Variants in FAM168A observed in about 807,000 individuals in gnomAD.
FAM168A encodes family with sequence similarity 168 member A.
In FAM168A, 3 loss-of-function variants were observed where a neutral mutation model predicts 28.5. The observed-to-expected ratio is 0.11, with a 90% CI of 0.05 to 0.27. The LOEUF (loss-of-function observed/expected upper bound fraction) is 0.27, where lower values mean the gene tolerates loss of function less well. Among genes scored for constraint, FAM168A ranks in the 10% least tolerant of loss-of-function variants. The pLI is 1.00. For synonymous variants in FAM168A, 122 were observed against 124.2 expected (o/e 0.98, Z 0.12); for missense variants, 222 against 311.5 (o/e 0.71, Z 2.16).
At chr11:73,524,042 T>C (rs1431370665) in intron 1 of FAM168A, among the ~76,000 whole-genome samples, 3 of 152,072 alleles carry the variant, frequency 2.0e-5, no homozygotes, top group African/African-American at 7.2e-5. Context: ...TCATAATTAA[T>C]TGTTAGTTTT....
Position 73,418,730 on chromosome 11 carries a change from A to G in FAM168A, c.277+1144T>C, listed in dbSNP as rs796283047. ...AGAAGTTCTCACCACATCCAAAGTC[A>G]GTCATTCCTCTATTGAACAGCTCCA... On this transcript the variant is annotated intron_variant, in intron 4 of 7. Transcript: ENST00000356467. Among the ~76,000 whole-genome samples the G allele has an allele frequency of 4.6e-5, 7 of 152,254 alleles. No individual in the cohort carries two copies. The South Asian group carries it at 1.2e-3, about 27-fold the overall frequency.
At chr11:73,537,818 C>T (rs917912825) in intron 1 of FAM168A, among the ~76,000 whole-genome samples, 1 of 152,222 alleles carries the variant, frequency 6.6e-6, no homozygotes, top group Non-Finnish European at 1.5e-5. Context: ...CAAGCCTTCA[C>T]TTCCCAATTC....
intron 1 of FAM168A, among the ~76,000 whole-genome samples, chr11:73,496,983 T>C (rs1416091750): frequency 2.6e-5 from 4 of 152,008 alleles, no homozygotes. Flanking sequence ...GGAATCAGAA[T>C]TTTACACAAA....
At chr11:73,546,063 A>G (rs916343185) in intron 1 of FAM168A, among the ~76,000 whole-genome samples, 8 of 152,324 alleles carry the variant, frequency 5.3e-5, no homozygotes, top group African/African-American at 1.9e-4. Flanking sequence ...ACTACTGAGC[A>G]TACTTAAGAC....
chr11:73,430,325 T>C, intron 3 of FAM168A: 1 of 290,982 alleles, frequency 3.4e-6, no homozygotes, highest in Non-Finnish European at 6.7e-6. Flanking sequence ...TGTGGGTGTG[T>C]GTGTGTCCCA....
At chr11:73,513,939 T>A (rs1431459374) in intron 1 of FAM168A, among the ~76,000 whole-genome samples, 1 of 152,086 alleles carries the variant, frequency 6.6e-6, no homozygotes, top group Non-Finnish European at 1.5e-5. Context: ...ATCCTAGCAC[T>A]TAGGGAGGCC....
chr11:73,519,965 T>C (rs1943355517), intron 1 of FAM168A, among the ~76,000 whole-genome samples: 1 of 151,938 alleles, frequency 6.6e-6, no homozygotes, highest in South Asian at 2.1e-4. Flanking sequence ...AGTACATAGA[T>C]TTTTGAAGCA....
intron 1 of FAM168A, among the ~76,000 whole-genome samples, chr11:73,491,834 A>G (rs1185019006): frequency 2.0e-5 from 3 of 152,042 alleles, no homozygotes; most frequent in Non-Finnish European, 4.4e-5. Flanking sequence ...TTCCCCATCT[A>G]CCTCCTTTGT....
At chr11:73,560,531 A>G (rs1315917347) in intron 1 of FAM168A, among the ~76,000 whole-genome samples, 1 of 152,254 alleles carries the variant, frequency 6.6e-6, no homozygotes, top group Non-Finnish European at 1.5e-5. Context: ...GGGTACAAAC[A>G]TGGCAAATCT....
At chr11:73,479,467 G>A (rs981126226) in intron 1 of FAM168A, among the ~76,000 whole-genome samples, 8 of 152,124 alleles carry the variant, frequency 5.3e-5, no homozygotes, top group Admixed American at 3.9e-4. Flanking sequence ...AAATTACACC[G>A]TGAGAGGACA....
chr11:73,453,815 T>C (rs963969538), intron 2 of FAM168A, among the ~76,000 whole-genome samples: 5 of 152,202 alleles, frequency 3.3e-5, no homozygotes, highest in Non-Finnish European at 5.9e-5. Flanking sequence ...CAAAAGCTCT[T>C]CCAGTCCTGT....
intron 1 of FAM168A, among the ~76,000 whole-genome samples, chr11:73,488,687 G>C (rs1409274081): frequency 6.6e-6 from 1 of 152,044 alleles, no homozygotes; most frequent in Non-Finnish European, 1.5e-5. Context: ...ACCTTCCAGT[G>C]GTACACTAGA....
At chr11:73,504,345 G>T (rs539919720) in intron 1 of FAM168A, among the ~76,000 whole-genome samples, 15 of 152,154 alleles carry the variant, frequency 9.9e-5, no homozygotes, top group Admixed American at 7.2e-4. Context: ...GTGGGCAAAG[G>T]ATATGAACAG....
intron 2 of FAM168A, among the ~76,000 whole-genome samples, chr11:73,436,387 A>G (rs1867086193): frequency 2.6e-5 from 4 of 152,166 alleles, no homozygotes; most frequent in African/African-American, 9.7e-5. Flanking sequence ...CTGGCTCAGA[A>G]AGACAAAGAG....
At chr11:73,413,612 A>T (rs540605912) in intron 4 of FAM168A, among the ~76,000 whole-genome samples, 1 of 152,234 alleles carries the variant, frequency 6.6e-6, no homozygotes, top group Non-Finnish European at 1.5e-5. Flanking sequence ...CCAGAGATAG[A>T]CATTTCCCAA....
At chr11:73,438,488 G>C (rs1374310460) in intron 2 of FAM168A, among the ~76,000 whole-genome samples, 4 of 152,164 alleles carry the variant, frequency 2.6e-5, no homozygotes, top group Non-Finnish European at 5.9e-5. Context: ...TAGGGAAATG[G>C]CAAACAGTTA....
At chr11:73,510,386 C>T (rs1044773099) in intron 1 of FAM168A, among the ~76,000 whole-genome samples, 2 of 152,146 alleles carry the variant, frequency 1.3e-5, no homozygotes, top group East Asian at 1.9e-4. Context: ...AGTAGAGCCT[C>T]GTAGGGAGAA....
At chr11:73,511,409 T>C (rs1349110287) in intron 1 of FAM168A, among the ~76,000 whole-genome samples, 1 of 151,946 alleles carries the variant, frequency 6.6e-6, no homozygotes, top group Non-Finnish European at 1.5e-5. Flanking sequence ...GCTAATTTTT[T>C]ATATTTTCAG....
At chr11:73,497,333 C>T (rs562893029) in intron 1 of FAM168A, among the ~76,000 whole-genome samples, 18 of 152,032 alleles carry the variant, frequency 1.2e-4, no homozygotes, top group Admixed American at 8.5e-4. Flanking sequence ...GGTGTGGTGG[C>T]GCGCGCCTGT....
Sources: gnomAD v4.1 joint callset for allele counts (sites outside exome capture counted in the v4.1 genomes callset) on GRCh38, gnomAD v4.1.1 for gene constraint, MANE v1.5 for transcripts, NCBI Gene and HGNC (gene_info 2026-07-23, HGNC 2026-07-21) for gene names.